Variants in UGCG observed in about 807,000 individuals in gnomAD.
The protein encoded by UGCG is UDP-glucose ceramide glucosyltransferase, also known as ceramide glucosyltransferase.
In UGCG, 10 loss-of-function variants were observed where a neutral mutation model predicts 49.5. The ratio of observed to expected loss-of-function variants is 0.20; its 90% CI spans 0.12 to 0.34. The LOEUF (loss-of-function observed/expected upper bound fraction) is 0.34, where lower values mean the gene tolerates loss of function less well. UGCG is among the 10% of genes least tolerant of loss of function. The pLI is 1.00. For missense variants in UGCG, 312 were observed against 483.7 expected (o/e 0.65, Z 3.33); for synonymous variants, 182 against 158.2 (o/e 1.15, Z -1.13).
intron 1 of UGCG, among the ~76,000 whole-genome samples, 183 bp downstream of exon 1, chr9:111,897,496 G>C (rs1041731876): frequency 2.0e-5 from 3 of 152,104 alleles, no homozygotes; most frequent in Non-Finnish European, 4.4e-5. Context: ...TCTTTGCGAG[G>C]GAAAAGTGTT....
In UGCG at chr9:111,934,371, A is replaced by G. The variant is rs531461146; in HGVS notation, c.*1374A>G. 6.6e-6 allele frequency: 1 copy of G among 151,852 alleles called. No individual in the cohort carries two copies. Among genetic ancestry groups the G allele is most frequent in the Non-Finnish European group, 1.5e-5 (1 of 67,962 alleles). 9.4% of individuals were successfully genotyped at this position (151,852 alleles called of 1,614,324 possible). A position where few individuals can be genotyped will look rare whatever the true frequency, so the allele number is the denominator to read the frequency against. ...TGTTTTGTTTTTTTAAAAAAAAAAA[A>G]CAAAAATGTAAGGGACAGTGCATAA... On this transcript the variant is annotated 3_prime_UTR_variant, in exon 9 of 9. Transcript: ENST00000374279.
intron 7 of UGCG, 81 bp from the exon 8 acceptor site, chr9:111,932,089 T>G: frequency 7.1e-7 from 1 of 1,418,012 alleles, no homozygotes; most frequent in Non-Finnish European, 9.6e-7. Context: ...GGTAAAAAAA[T>G]TGATTATTTG....
At chr9:111,929,779 A>AT (rs954311470) in intron 6 of UGCG, 101 bp downstream of exon 6, 62 of 1,396,538 alleles carry the variant, frequency 4.4e-5, no homozygotes, top group Middle Eastern at 2.2e-4. Context: ...ATTTAATTTT[A>AT]TTTTTTTTGC....
chr9:111,897,643 A>G (rs1589514058), intron 1 of UGCG, among the ~76,000 whole-genome samples: 1 of 151,806 alleles, frequency 6.6e-6, no homozygotes, highest in African/African-American at 2.4e-5. Context: ...CTGGGCCGAG[A>G]TGTATGGTGT....
chr9:111,913,687 G>A (rs968315579), intron 1 of UGCG, among the ~76,000 whole-genome samples: 1 of 149,050 alleles, frequency 6.7e-6, no homozygotes, highest in Non-Finnish European at 1.5e-5. Context: ...TGATCCACCC[G>A]CCTCAGCCTC....
chr9:111,917,211 A>G (rs192386278), intron 2 of UGCG, among the ~76,000 whole-genome samples: 186 of 152,290 alleles, frequency 1.2e-3, no homozygotes, highest in African/African-American at 4.1e-3. Context: ...CTAATTATAA[A>G]CTTATATTTA....
chr9:111,920,218 G>C (rs1838195571), intron 2 of UGCG, among the ~76,000 whole-genome samples: 1 of 152,140 alleles, frequency 6.6e-6, no homozygotes, highest in African/African-American at 2.4e-5. Context: ...TATGTAGGTA[G>C]AAAGTATGAG....
At chr9:111,901,990 A>G (rs1049287686) in intron 1 of UGCG, among the ~76,000 whole-genome samples, 1 of 152,204 alleles carries the variant, frequency 6.6e-6, no homozygotes, top group African/African-American at 2.4e-5. Context: ...CAAACTCCTT[A>G]ATGAGACAAG....
chr9:111,921,979 T>C (rs1838230487), intron 2 of UGCG, among the ~76,000 whole-genome samples: 1 of 151,502 alleles, frequency 6.6e-6, no homozygotes, highest in South Asian at 2.1e-4. Flanking sequence ...GCCCAGCTAA[T>C]TTTAAAAATT....
chr9:111,921,872 G>A (rs983624098), intron 2 of UGCG, among the ~76,000 whole-genome samples: 5 of 129,488 alleles, frequency 3.9e-5, no homozygotes, highest in East Asian at 5.0e-4. Flanking sequence ...ATGTAGTGGC[G>A]CAGTCTTCGG....
intron 1 of UGCG, among the ~76,000 whole-genome samples, chr9:111,899,709 C>G (rs1837732928): frequency 6.6e-6 from 1 of 152,030 alleles, no homozygotes; most frequent in Non-Finnish European, 1.5e-5. Flanking sequence ...ATATGTTAGT[C>G]TCTGCTTCCT....
At position 111,897,087 on chromosome 9, in the gene UGCG, C is replaced by T; in HGVS notation, c.-129C>T. ...CCCTTCCGTCCCCACCCCCCTCCGC[C>T]CTTTCCTCTCCCCACCTTCCTCTCG... On this transcript the variant is annotated 5_prime_UTR_variant, in exon 1 of 9. Transcript: ENST00000374279. 1 of 620,916 alleles carries T rather than the reference C, an allele frequency of 1.6e-6. No individual in the cohort carries two copies. Among genetic ancestry groups the T allele is most frequent in the Non-Finnish European group, 2.6e-6 (1 of 380,346 alleles). The allele number at this position is 620,916 out of a possible 1,614,324, so 38.5% of individuals were successfully genotyped here.
At chr9:111,903,721 G>A (rs1754912950) in intron 1 of UGCG, among the ~76,000 whole-genome samples, 1 of 152,098 alleles carries the variant, frequency 6.6e-6, no homozygotes, top group South Asian at 2.1e-4. Context: ...TCAGCCTCCT[G>A]GGTAGCTGGG....
intron 2 of UGCG, 191 bp downstream of exon 2, chr9:111,914,937 C>G: frequency 1.0e-5 from 7 of 696,606 alleles, no homozygotes; most frequent in Non-Finnish European, 1.5e-5. Flanking sequence ...GTGTAAATTC[C>G]CTTTCTAACC....
chr9:111,930,351 C>T (rs77997747), intron 6 of UGCG, among the ~76,000 whole-genome samples: 3 of 151,982 alleles, frequency 2.0e-5, no homozygotes, highest in African/African-American at 7.3e-5. Flanking sequence ...AATTTAAAGA[C>T]TATCATTTCA....
intron 1 of UGCG, among the ~76,000 whole-genome samples, chr9:111,913,419 T>G (rs1400911070): frequency 1.3e-5 from 2 of 152,076 alleles, no homozygotes; most frequent in Non-Finnish European, 2.9e-5. Flanking sequence ...GGGCACGTTC[T>G]GTCTTCTCTA....
At position 111,922,967 on chromosome 9, in the gene UGCG, T is replaced by C. The variant is rs1019692709; in HGVS notation, c.343+16T>C. 1 of 1,520,632 alleles carries C rather than the reference T, an allele frequency of 6.6e-7. No homozygotes were observed. The allele number at this position is 1,520,632 out of a possible 1,614,324, so 94.2% of individuals were successfully genotyped here. A position where few individuals can be genotyped will look rare whatever the true frequency, so the allele number is the denominator to read the frequency against. On this transcript the variant is annotated intron_variant, in intron 3 of 8. Transcript: ENST00000374279. Reference sequence around the variant, plus strand: ...TTGTTTATAGGTAAGTAACAAATTCTGTAGTAACCATTTTCCATTGATAGT... The same window carrying C: ...TTGTTTATAGGTAAGTAACAAATTCCGTAGTAACCATTTTCCATTGATAGT...
intron 8 of UGCG, 50 bp from the exon 9 acceptor site, chr9:111,932,777 C>T (rs1284297921): frequency 6.9e-7 from 1 of 1,450,448 alleles, no homozygotes; most frequent in Non-Finnish European, 9.2e-7. Flanking sequence ...TTAACCTTGT[C>T]TTTAGTTTGA....
intron 7 of UGCG, 133 bp from the exon 8 acceptor site, chr9:111,932,032 AAAAAC>A: frequency 2.0e-5 from 19 of 948,588 alleles, no homozygotes; most frequent in Non-Finnish European, 2.6e-5. Flanking sequence ...GTAAAAAAAA[AAAAAC>A]AAAACAAAAA....
Sources: allele counts gnomAD v4.1 joint callset (sites outside exome capture counted in the v4.1 genomes callset), GRCh38; gene constraint gnomAD v4.1.1; transcripts MANE v1.5; gene names NCBI Gene and HGNC (gene_info 2026-07-23, HGNC 2026-07-21).